The following YIF1B variants were observed in gnomAD, a reference collection of about 807,000 sequenced individuals.
The protein encoded by YIF1B is protein YIF1B.
A neutral mutation model predicts 34.6 loss-of-function variants in YIF1B; 24 were observed. The ratio of observed to expected loss-of-function variants is 0.69; its 90% CI spans 0.50 to 0.98. The LOEUF (loss-of-function observed/expected upper bound fraction) is 0.98, where lower values mean the gene tolerates loss of function less well. Ranked by LOEUF, YIF1B falls within the 50% of genes least tolerant of loss-of-function variation. The pLI is 0.00. For missense variants in YIF1B, 368 were observed against 429.4 expected (o/e 0.86, Z 1.26); for synonymous variants, 186 against 184.8 (o/e 1.01, Z -0.05).
At chr19:38,321,144 G>A (rs927840805), upstream of YIF1B, among the ~76,000 whole-genome samples, 68 of 152,244 alleles carry the variant, frequency 4.5e-4, no homozygotes, top group African/African-American at 1.6e-3. Context: ...GCGCCTTAGC[G>A]AGGACCCTAA....
chr19:38,305,351 C>T lies in YIF1B; in HGVS notation c.*1G>A. The T allele has an allele frequency of 1.2e-6, 2 of 1,600,696 alleles. No homozygotes were observed. The highest frequency in any genetic ancestry group is 8.5e-7 in the Non-Finnish European group (1 of 1,171,012). ...AGCAGCGGGAGGTTCAGCGGGCGCG[C>T]TCACCGCACCAGGTGGAAGGTGAGC... On this transcript the variant is annotated 3_prime_UTR_variant, in exon 8 of 8. Coordinates refer to ENST00000339413, the MANE Select transcript of YIF1B (RefSeq NM_001039672.3).
Position 38,315,892 on chromosome 19 carries a change from G to T in YIF1B, c.26C>A (p.Ala9Glu). The change falls in exon 1 of 8, where the codon GCG becomes GAG. Residue 9 changes from alanine (A) to glutamate (E), a missense_variant. Transcript: ENST00000339413. ...ACGCAGCCGGGGCGTCCCCGCAGCC[G>T]CCGCCGCCAAGCCTGCCGGGTGCAT... Reference protein sequence around the residue: MHPAGLAAAAAGTPRLRKW... With the variant: MHPAGLAAEAAGTPRLRKW... 1 of 1,481,070 alleles carries T rather than the reference G, an allele frequency of 6.8e-7. No homozygotes were observed. The allele number at this position is 1,481,070 out of a possible 1,614,324, so 91.7% of individuals were successfully genotyped here.
chr19:38,316,075 T>C (rs1969541941), upstream of YIF1B: 1 of 1,100,362 alleles, frequency 9.1e-7, no homozygotes, highest in Non-Finnish European at 1.2e-6. Context: ...CACGGAGGCC[T>C]GGACGACTGG....
chr19:38,308,350 G>T (rs543029222), intron 5 of YIF1B, among the ~76,000 whole-genome samples: 1 of 152,064 alleles, frequency 6.6e-6, no homozygotes, highest in Non-Finnish European at 1.5e-5. Context: ...GGAATAGACC[G>T]GAGCGTGCAG....
intron 1 of YIF1B, among the ~76,000 whole-genome samples, chr19:38,314,987 G>A (rs1009095095): frequency 6.6e-6 from 1 of 151,418 alleles, no homozygotes; most frequent in Non-Finnish European, 1.5e-5. Flanking sequence ...TGCCGGGTGC[G>A]GTGGCTCACG....
chr19:38,309,213 G>C lies in YIF1B; in HGVS notation c.402+11C>G, dbSNP rs2146303531. 1 of 1,613,556 alleles carries C rather than the reference G, an allele frequency of 6.2e-7. No individual in the cohort carries two copies. Among genetic ancestry groups the C allele is most frequent in the East Asian group, 2.2e-5 (1 of 44,884 alleles). ...CCCACTGCAGACCCACATTCCCCTG[G>C]GGGTGCTGACCTGGTGTAGGTAGGG... On this transcript the variant is annotated intron_variant, in intron 3 of 7. Coordinates refer to ENST00000339413, the MANE Select transcript of YIF1B (RefSeq NM_001039672.3).
upstream of YIF1B, chr19:38,320,038 G>C (rs1008139893): frequency 6.7e-7 from 1 of 1,500,798 alleles, no homozygotes; most frequent in Non-Finnish European, 8.8e-7. Flanking sequence ...GCGGCTGGAG[G>C]GGCCGCACGA....
upstream of YIF1B, chr19:38,320,188 G>T: frequency 6.2e-7 from 1 of 1,601,164 alleles, no homozygotes. Flanking sequence ...GCTTGCTAAC[G>T]CTTCGGGGTC....
chr19:38,317,967 G>A (rs1600417075), upstream of YIF1B, among the ~76,000 whole-genome samples: 1 of 151,472 alleles, frequency 6.6e-6, no homozygotes. Flanking sequence ...AGGCCAAGGC[G>A]GGCAGATCAC....
upstream of YIF1B, chr19:38,319,697 T>C: frequency 4.4e-6 from 2 of 454,920 alleles, no homozygotes. Flanking sequence ...TTCCATCCCG[T>C]TGGTCTGCTG....
intron 1 of YIF1B, chr19:38,309,955 ACCAT>A: frequency 8.2e-6 from 5 of 606,336 alleles, no homozygotes; most frequent in Non-Finnish European, 9.2e-6. Context: ...TATCCATCTA[ACCAT>A]CCATCCATCC....
upstream of YIF1B, chr19:38,315,956 C>T (rs1038216161): frequency 3.6e-5 from 50 of 1,396,294 alleles, no homozygotes; most frequent in African/African-American, 4.6e-5. Flanking sequence ...TCGGAGCGTG[C>T]CCGCCCGGCT....
At position 38,308,592 on chromosome 19, in the gene YIF1B, C is replaced by T. The variant is rs537556725; in HGVS notation, c.539+200G>A. 6.6e-5 allele frequency among the ~76,000 whole-genome samples: 10 copies of T among 152,020 alleles called. No homozygotes were observed. The East Asian group carries it at 1.2e-3, about 18-fold the overall frequency. ...GGTCACCCAGCACAGGGGATGGTGACGCAATGCATGTGGGTAGGAAGGACA... is the reference window on the plus strand; with the variant it reads ...GGTCACCCAGCACAGGGGATGGTGATGCAATGCATGTGGGTAGGAAGGACA... On this transcript the variant is annotated intron_variant, in intron 5 of 7. Coordinates refer to ENST00000339413, the MANE Select transcript of YIF1B (RefSeq NM_001039672.3).
chr19:38,315,805 A>C, intron 1 of YIF1B, 55 bp downstream of exon 1: 1 of 1,508,202 alleles, frequency 6.6e-7, no homozygotes, highest in Non-Finnish European at 8.8e-7. Context: ...TCGCCAACCG[A>C]CGCGGCCGCC....
Position 38,305,071 on chromosome 19 carries a change from G to A in YIF1B, c.*281C>T, listed in dbSNP as rs1412337931. ...AGCTCCCTGCCCCCTGCCCAGCGCTGGGCCCGCCCATTCGTGCGCGAGGCC... is the reference window on the plus strand; with the variant it reads ...AGCTCCCTGCCCCCTGCCCAGCGCTAGGCCCGCCCATTCGTGCGCGAGGCC... On this transcript the variant is annotated 3_prime_UTR_variant, in exon 8 of 8. Coordinates refer to ENST00000339413, the MANE Select transcript of YIF1B (RefSeq NM_001039672.3). 1.3e-6 allele frequency: 2 copies of A among 1,515,016 alleles called. No homozygotes were observed. The highest frequency in any genetic ancestry group is 2.2e-5 in the Admixed American group (1 of 45,822). The allele number at this position is 1,515,016 out of a possible 1,614,324, so 93.8% of individuals were successfully genotyped here. A position where few individuals can be genotyped will look rare whatever the true frequency, so the allele number is the denominator to read the frequency against.
At chr19:38,315,199 C>T (rs1223962208) in intron 1 of YIF1B, among the ~76,000 whole-genome samples, 3 of 150,460 alleles carry the variant, frequency 2.0e-5, no homozygotes, top group East Asian at 2.0e-4. Flanking sequence ...GACCTGAGAT[C>T]GCGCCATTGC....
chr19:38,318,158 A>ACT (rs1344288668), upstream of YIF1B, among the ~76,000 whole-genome samples: 2 of 126,352 alleles, frequency 1.6e-5, no homozygotes, highest in East Asian at 5.0e-4. Context: ...GTGCCATTGC[A>ACT]CTCCAGCCTG....
At chr19:38,319,484 C>A (rs535242411), upstream of YIF1B, among the ~76,000 whole-genome samples, 1 of 152,304 alleles carries the variant, frequency 6.6e-6, no homozygotes, top group East Asian at 1.9e-4. Context: ...GCGAATGGAG[C>A]GAGAATTGGA....
chr19:38,316,420 C>G (rs1322816085), upstream of YIF1B, among the ~76,000 whole-genome samples: 1 of 151,892 alleles, frequency 6.6e-6, no homozygotes, highest in Admixed American at 6.6e-5. Context: ...CTTTGGAAGG[C>G]TGAGGATCGC....
Sources: gnomAD v4.1 joint callset for allele counts (sites outside exome capture counted in the v4.1 genomes callset) on GRCh38, gnomAD v4.1.1 for gene constraint, MANE v1.5 for transcripts, NCBI Gene and HGNC (gene_info 2026-07-23, HGNC 2026-07-21) for gene names.